NAV2: variants seen among roughly 807,000 people sequenced by gnomAD.
NAV2 encodes neuron navigator 2.
A neutral mutation model predicts 223.2 loss-of-function variants in NAV2; 54 were observed. The ratio of observed to expected loss-of-function variants is 0.24; its 90% CI spans 0.19 to 0.30. The LOEUF is 0.30. Among genes scored for constraint, NAV2 ranks in the 10% least tolerant of loss-of-function variants. The pLI is 1.00. For missense variants in NAV2, 2,806 were observed against 3,147.5 expected, an observed-to-expected ratio of 0.89 and a Z score of 2.60; for synonymous variants, 1,279 against 1,239.3, an observed-to-expected ratio of 1.03 and a Z score of -0.67.
intron 5 of NAV2, among the ~76,000 whole-genome samples, chr11:19,884,058 AATAC>A (rs1853112479): frequency 6.6e-6 from 1 of 152,252 alleles, no homozygotes; most frequent in African/African-American, 2.4e-5. Context: ...CACACACATG[AATAC>A]ATACACACAA....
intron 37 of NAV2, 83 bp downstream of exon 37, chr11:20,114,878 C>T: frequency 1.5e-6 from 2 of 1,333,524 alleles, no homozygotes; most frequent in Non-Finnish European, 2.1e-6. Context: ...TCTGGAAATA[C>T]AAAGGTGACT....
At chr11:19,690,633 C>T (rs2049147825) in intron 1 of NAV2, among the ~76,000 whole-genome samples, 2 of 152,062 alleles carry the variant, frequency 1.3e-5, no homozygotes. Flanking sequence ...GTGTTGGTTC[C>T]CCACCATATG....
At chr11:20,079,542 C>A (rs140867384) in intron 24 of NAV2, among the ~76,000 whole-genome samples, 1 of 152,026 alleles carries the variant, frequency 6.6e-6, no homozygotes, top group Non-Finnish European at 1.5e-5. Context: ...TTGGGCCTCC[C>A]GAAAAAGTGA....
chr11:19,572,811 C>T (rs1018599152), intron 1 of NAV2, among the ~76,000 whole-genome samples: 4 of 152,172 alleles, frequency 2.6e-5, no homozygotes, highest in African/African-American at 9.6e-5. Context: ...TTGCCCAGCA[C>T]ATGGTAGGGA....
At chr11:19,885,407 A>G (rs1442896137) in intron 5 of NAV2, among the ~76,000 whole-genome samples, 1 of 152,194 alleles carries the variant, frequency 6.6e-6, no homozygotes, top group African/African-American at 2.4e-5. Context: ...TTACGTTTCA[A>G]CCACTACTCT....
chr11:19,577,254 C>CA (rs1353781943), intron 1 of NAV2, among the ~76,000 whole-genome samples: 1 of 152,256 alleles, frequency 6.6e-6, no homozygotes, highest in Non-Finnish European at 1.5e-5. Flanking sequence ...TGGCGAAAGC[C>CA]AAATGTGTGG....
intron 11 of NAV2, chr11:20,027,491 A>AC: frequency 1.0e-6 from 1 of 974,466 alleles, no homozygotes; most frequent in Non-Finnish European, 1.2e-6. Context: ...GCAGCTGGTC[A>AC]CAGCTGCGCA....
In NAV2 at chr11:20,106,159, A is replaced by G. The variant is rs183875064; in HGVS notation, c.6841+432A>G. On this transcript the variant is annotated intron_variant, in intron 35 of 37. Transcript: ENST00000349880. ...CTTGTTCATATGTGTGTGTGTGTAT[A>G]TATATATATATATATATGTGTGTGT... is the stretch of plus-strand genomic sequence containing the variant. Among the ~76,000 whole-genome samples the G allele has an allele frequency of 2.7e-3, 28 of 10,498 alleles. 1 individual carries two copies. In the East Asian group the frequency reaches 0.086, roughly 32 times the overall value. 6.9% of individuals were successfully genotyped at this position (10,498 alleles called of 152,430 possible). A position where few individuals can be genotyped will look rare whatever the true frequency, so the allele number is the denominator to read the frequency against.
At chr11:19,657,103 A>G (rs1411123943) in intron 1 of NAV2, among the ~76,000 whole-genome samples, 1 of 152,104 alleles carries the variant, frequency 6.6e-6, no homozygotes, top group East Asian at 1.9e-4. Context: ...ACAGATTCAG[A>G]GCTGAGGGGA....
At chr11:19,544,839 A>G (rs2044446506) in intron 1 of NAV2, among the ~76,000 whole-genome samples, 2 of 152,218 alleles carry the variant, frequency 1.3e-5, no homozygotes, top group African/African-American at 2.4e-5. Context: ...AAATCTTCCA[A>G]ACTGTCTGTC....
Position 19,566,761 on chromosome 11 carries a change from T to C in NAV2, c.75+215734T>C, listed in dbSNP as rs537053813. On this transcript the variant is annotated intron_variant, in intron 1 of 37. Transcript: ENST00000360655. ...CATCCTCACAGCCATGTTGTGAAGA[T>C]ACTTACATATGCTCTGTCCAGCATC... 1.1e-4 allele frequency among the ~76,000 whole-genome samples: 17 copies of C among 152,310 alleles called. No individual in the cohort carries two copies. In the South Asian group the frequency reaches 3.3e-3, roughly 30 times the overall value.
At chr11:20,088,244 C>A (rs1565034763) in intron 26 of NAV2, among the ~76,000 whole-genome samples, 4 of 152,206 alleles carry the variant, frequency 2.6e-5, no homozygotes, top group Admixed American at 2.6e-4. Flanking sequence ...GTGGCGCGAT[C>A]TTGGCTCACT....
chr11:20,003,952 T>C (rs539240142), intron 11 of NAV2, among the ~76,000 whole-genome samples: 22 of 152,352 alleles, frequency 1.4e-4, no homozygotes, highest in African/African-American at 5.1e-4. Context: ...TTCTAGTTAC[T>C]GCTAGAAAGT....
At chr11:19,853,803 A>G (rs574640849) in intron 3 of NAV2, among the ~76,000 whole-genome samples, 1 of 151,598 alleles carries the variant, frequency 6.6e-6, no homozygotes, top group South Asian at 2.1e-4. Flanking sequence ...TCTTTAGGAC[A>G]CTGGGCTTAA....
intron 1 of NAV2, among the ~76,000 whole-genome samples, chr11:19,583,457 G>A (rs555772610): frequency 5.9e-5 from 9 of 152,166 alleles, no homozygotes; most frequent in Non-Finnish European, 1.3e-4. Flanking sequence ...TCTTGTGCCA[G>A]TTTTCAAAGG....
intron 1 of NAV2, among the ~76,000 whole-genome samples, chr11:19,556,405 C>G (rs980395637): frequency 6.6e-6 from 1 of 152,148 alleles, no homozygotes; most frequent in East Asian, 1.9e-4. Flanking sequence ...ACAATATGAA[C>G]GAAGTAAACA....
chr11:20,023,067 T>C lies in NAV2; in HGVS notation c.2769-12892T>C, dbSNP rs1267463168. The C allele has an allele frequency of 2.6e-6, 4 of 1,551,516 alleles. No individual in the cohort carries two copies. The African/African-American group carries it at 4.1e-5, about 16-fold the overall frequency. On this transcript the variant is annotated intron_variant, in intron 11 of 37. Transcript: ENST00000349880. ...TGCCATCCTGTGAGATTCATTCAGC[T>C]TCTTTGTCCGCTGTTCTCCAAGGGC...
At chr11:19,771,889 C>T (rs1157282889) in intron 1 of NAV2, among the ~76,000 whole-genome samples, 1 of 152,088 alleles carries the variant, frequency 6.6e-6, no homozygotes, top group Non-Finnish European at 1.5e-5. Flanking sequence ...CTTTCAAAAC[C>T]TCCAACAGCC....
At chr11:19,651,524 G>A (rs1014092096) in intron 1 of NAV2, among the ~76,000 whole-genome samples, 9 of 152,212 alleles carry the variant, frequency 5.9e-5, no homozygotes, top group African/African-American at 2.2e-4. Flanking sequence ...TCAGTGAGTG[G>A]TCAGACCATG....
Sources: gnomAD v4.1 joint callset for allele counts (sites outside exome capture counted in the v4.1 genomes callset) on GRCh38, gnomAD v4.1.1 for gene constraint, MANE v1.5 for transcripts, NCBI Gene and HGNC (gene_info 2026-07-23, HGNC 2026-07-21) for gene names.